The following ANK2 variants were observed in gnomAD, a reference collection of about 807,000 sequenced individuals.
ANK2 encodes ankyrin 2.
ANK2 carries 83 observed loss-of-function variants against 360.5 expected under a neutral mutation model. That is an observed-to-expected ratio of 0.23 (90% CI 0.19 to 0.28). ANK2 has a LOEUF of 0.28. Ranked by LOEUF, ANK2 falls within the 10% of genes least tolerant of loss-of-function variation. The pLI is 1.00. For missense variants in ANK2, 4,201 were observed against 4,795.7 expected, an observed-to-expected ratio of 0.88 and a Z score of 3.66; for synonymous variants, 1,740 against 1,759.5, an observed-to-expected ratio of 0.99 and a Z score of 0.28.
chr4:113,036,308 G>C (rs1195491031), intron 2 of ANK2, among the ~76,000 whole-genome samples: 1 of 150,912 alleles, frequency 6.6e-6, no homozygotes, highest in African/African-American at 2.4e-5. Context: ...TCCAGGACTT[G>C]AAACAAACAA....
chr4:113,076,779 G>A (rs560178587), intron 1 of ANK2, among the ~76,000 whole-genome samples: 5 of 145,702 alleles, frequency 3.4e-5, no homozygotes, highest in Non-Finnish European at 7.5e-5. Context: ...CAGGGCAACA[G>A]AGTAAGACCC....
chr4:113,294,081 T>A (rs893787331), intron 22 of ANK2, among the ~76,000 whole-genome samples: 12 of 152,260 alleles, frequency 7.9e-5, no homozygotes, highest in Non-Finnish European at 1.3e-4. Flanking sequence ...ATTGTTTCTG[T>A]GTTGTGAAAA....
intron 1 of ANK2, among the ~76,000 whole-genome samples, chr4:112,897,661 C>T (rs1406382960): frequency 1.3e-5 from 2 of 152,106 alleles, no homozygotes; most frequent in African/African-American, 4.8e-5. Flanking sequence ...CAGATGGATG[C>T]TCAGCTCTCC....
intron 37 of ANK2, among the ~76,000 whole-genome samples, chr4:113,352,600 C>T (rs752837601): frequency 2.6e-5 from 4 of 151,900 alleles, no homozygotes; most frequent in Non-Finnish European, 4.4e-5. Context: ...AATCAACTTT[C>T]TGCAATTTCT....
intron 2 of ANK2, among the ~76,000 whole-genome samples, chr4:112,976,689 T>C (rs1486333053): frequency 6.6e-6 from 1 of 151,610 alleles, no homozygotes; most frequent in Non-Finnish European, 1.5e-5. Context: ...CCTAAAGACA[T>C]CCATTCCAAA....
At chr4:112,733,962 A>C in the ANK2 span, among the ~76,000 whole-genome samples, 3 of 152,240 alleles carry the variant, frequency 2.0e-5, no homozygotes, top group East Asian at 3.9e-4. Context: ...TTTAGTAGAG[A>C]CGGGGTTTCA....
chr4:113,367,107 G>T (rs1174587368), intron 41 of ANK2, among the ~76,000 whole-genome samples: 1 of 152,120 alleles, frequency 6.6e-6, no homozygotes, highest in Non-Finnish European at 1.5e-5. Context: ...TACTTGCAGT[G>T]CACTTGAAAC....
intron 13 of ANK2, among the ~76,000 whole-genome samples, chr4:113,263,870 G>A (rs2054423279): frequency 6.6e-6 from 1 of 152,148 alleles, no homozygotes; most frequent in African/African-American, 2.4e-5. Context: ...AAAATATGCT[G>A]ATTTTTAAAA....
chr4:112,970,359 A>C (rs1269944672), intron 2 of ANK2, among the ~76,000 whole-genome samples: 1 of 151,044 alleles, frequency 6.6e-6, no homozygotes, highest in Non-Finnish European at 1.5e-5. Flanking sequence ...TTAATTAATT[A>C]ATTAATTATT....
At position 112,830,768 on chromosome 4, in the gene ANK2, G is replaced by A. The variant is rs2059537220; in HGVS notation, c.-40+12504G>A. Among the ~76,000 whole-genome samples the A allele has an allele frequency of 2.6e-5, 4 of 152,184 alleles. No homozygotes were observed. The South Asian group carries it at 8.3e-4, about 31-fold the overall frequency. ...GGAGCCCCTCTCTGGGCTGGCCAAG[G>A]CCAAAGCCAGCTCCCTCTGCTTGCA... On this transcript the variant is annotated intron_variant, in intron 1 of 30. Coordinates refer to the ANK2 transcript ENST00000503271.
In ANK2 at chr4:112,973,522, T is replaced by C. The variant is rs147349949; in HGVS notation, c.21+69008T>C. Among the ~76,000 whole-genome samples the C allele has an allele frequency of 4.5e-3, 693 of 152,308 alleles. 6 individuals are homozygous for C. Among genetic ancestry groups the C allele is most frequent in the African/African-American group, 0.016 (654 of 41,560 alleles). On this transcript the variant is annotated intron_variant, in intron 2 of 30. Transcript: ENST00000503271. ...TCTGTTCTCTCTTTACTGAGTTCAG[T>C]TGCATTGCTTTTGATAAAGGATCAA...
At chr4:112,838,770 G>T (rs1471234326) in intron 1 of ANK2, among the ~76,000 whole-genome samples, 3 of 152,232 alleles carry the variant, frequency 2.0e-5, no homozygotes, top group African/African-American at 7.2e-5. Context: ...TCGGGAGGCT[G>T]AGGCAGGAGA....
chr4:112,806,788 G>A, the ANK2 span, among the ~76,000 whole-genome samples: 5 of 152,206 alleles, frequency 3.3e-5, no homozygotes, highest in East Asian at 7.7e-4. Context: ...CCGTGATGAC[G>A]CCACTGTACT....
intron 2 of ANK2, among the ~76,000 whole-genome samples, chr4:112,934,399 T>G (rs2093551120): frequency 6.6e-6 from 1 of 152,216 alleles, no homozygotes; most frequent in Non-Finnish European, 1.5e-5. Flanking sequence ...GCTCCATATC[T>G]TTCTACTTTT....
At chr4:113,042,590 C>T (rs7654153) in intron 2 of ANK2, among the ~76,000 whole-genome samples, 129,678 of 152,090 alleles carry the variant, frequency 0.85, 55,524 homozygotes, top group East Asian at 0.98. Context: ...GATACCTACG[C>T]GGGACACTGA....
chr4:112,732,375 A>C, the ANK2 span, among the ~76,000 whole-genome samples: 678 of 150,708 alleles, frequency 4.5e-3, 8 homozygotes, highest in Non-Finnish European at 7.6e-3. Flanking sequence ...CCTGTTCCCG[A>C]GTAGCTACAG....
intron 2 of ANK2, among the ~76,000 whole-genome samples, chr4:113,179,104 A>G (rs960865735): frequency 6.6e-6 from 1 of 152,254 alleles, no homozygotes; most frequent in Non-Finnish European, 1.5e-5. Context: ...ACAGGAAATG[A>G]TTTCTAAATA....
At chr4:113,056,020 C>G (rs1400297714) in intron 1 of ANK2, among the ~76,000 whole-genome samples, 1 of 152,150 alleles carries the variant, frequency 6.6e-6, no homozygotes, top group East Asian at 1.9e-4. Context: ...TCCCAAGCAG[C>G]ATTCCCAAAA....
At chr4:112,881,146 A>G (rs1042585327) in intron 1 of ANK2, among the ~76,000 whole-genome samples, 11 of 152,228 alleles carry the variant, frequency 7.2e-5, no homozygotes, top group Admixed American at 2.0e-4. Context: ...ACAATTTAAA[A>G]TAACTAGTGG....
Sources: allele counts gnomAD v4.1 joint callset (sites outside exome capture counted in the v4.1 genomes callset), GRCh38; gene constraint gnomAD v4.1.1; transcripts MANE v1.5; gene names NCBI Gene and HGNC (gene_info 2026-07-23, HGNC 2026-07-21).